The following FAM171A1 variants were observed in gnomAD, a reference collection of about 807,000 sequenced individuals.
FAM171A1 encodes protein FAM171A1.
FAM171A1 carries 23 observed loss-of-function variants against 74.9 expected under a neutral mutation model. The ratio of observed to expected loss-of-function variants is 0.31; its 90% confidence interval spans 0.22 to 0.44. The LOEUF (loss-of-function observed/expected upper bound fraction) is 0.44, where lower values mean the gene tolerates loss of function less well. Ranked by LOEUF, FAM171A1 falls within the 20% of genes least tolerant of loss-of-function variation. FAM171A1 has a pLI of 1.00. For synonymous variants in FAM171A1, 527 were observed against 505.7 expected (o/e 1.04, Z -0.57); for missense variants, 1,162 against 1,159.2 (o/e 1.00, Z -0.03).
chr10:15,219,967 A>T (rs528034625), intron 6 of FAM171A1, among the ~76,000 whole-genome samples: 1 of 152,338 alleles, frequency 6.6e-6, no homozygotes, highest in East Asian at 1.9e-4. Flanking sequence ...ATTTTTCCAC[A>T]CCTGTTTAGG....
chr10:15,260,926 C>T (rs1454318604), intron 3 of FAM171A1, among the ~76,000 whole-genome samples: 2 of 152,190 alleles, frequency 1.3e-5, no homozygotes, highest in African/African-American at 4.8e-5. Context: ...ACTATATACC[C>T]TGAGCACCTT....
chr10:15,246,044 C>T (rs1446419350), intron 5 of FAM171A1, among the ~76,000 whole-genome samples: 7 of 152,190 alleles, frequency 4.6e-5, no homozygotes. Flanking sequence ...CCTGGAGGCA[C>T]AGTGTACCTC....
chr10:15,271,404 C>A (rs1433972815), intron 3 of FAM171A1, among the ~76,000 whole-genome samples: 1 of 152,190 alleles, frequency 6.6e-6, no homozygotes, highest in Non-Finnish European at 1.5e-5. Flanking sequence ...AAATTTACGT[C>A]TGATTGGTGT....
At chr10:15,339,469 G>C (rs929050117) in intron 1 of FAM171A1, among the ~76,000 whole-genome samples, 2 of 152,140 alleles carry the variant, frequency 1.3e-5, no homozygotes, top group Non-Finnish European at 1.5e-5. Flanking sequence ...GCGCTGCTCA[G>C]GTAGTTTGCA....
Position 15,352,171 on chromosome 10 carries a change from G to A in FAM171A1, c.97+18785C>T, listed in dbSNP as rs530228129. Among the ~76,000 whole-genome samples the A allele has an allele frequency of 8.6e-5, 13 of 152,036 alleles. No individual in the cohort carries two copies. The South Asian group carries it at 2.7e-3, about 32-fold the overall frequency. ...GGAGAATTGTTTGAACCTGGGAGGT[G>A]GAGGTTGCAATGAGCCGAAATCACG... On this transcript the variant is annotated intron_variant, in intron 1 of 7. Transcript: ENST00000378116.
At chr10:15,329,514 T>A (rs1835601181) in intron 1 of FAM171A1, among the ~76,000 whole-genome samples, 1 of 151,742 alleles carries the variant, frequency 6.6e-6, no homozygotes, top group Non-Finnish European at 1.5e-5. Context: ...GAGTCCCAGC[T>A]ACTCAGGAGA....
chr10:15,342,749 T>C (rs1031272353), intron 1 of FAM171A1, among the ~76,000 whole-genome samples: 8 of 151,926 alleles, frequency 5.3e-5, no homozygotes, highest in African/African-American at 1.2e-4. Context: ...AAAGAGAAAA[T>C]AGACATGAAT....
At chr10:15,284,364 G>A (rs1433090397) in intron 1 of FAM171A1, among the ~76,000 whole-genome samples, 1 of 152,058 alleles carries the variant, frequency 6.6e-6, no homozygotes, top group African/African-American at 2.4e-5. Flanking sequence ...ATCAACAAAT[G>A]ATCAAGAGAA....
At chr10:15,323,099 C>A (rs568380010) in intron 1 of FAM171A1, among the ~76,000 whole-genome samples, 1 of 150,236 alleles carries the variant, frequency 6.7e-6, no homozygotes, top group Non-Finnish European at 1.5e-5. Flanking sequence ...GACATCACAC[C>A]GCTGCACTCC....
chr10:15,266,561 A>T (rs1834744123), intron 3 of FAM171A1, among the ~76,000 whole-genome samples: 1 of 152,058 alleles, frequency 6.6e-6, no homozygotes, highest in African/African-American at 2.4e-5. Flanking sequence ...CAGCAAAAAG[A>T]AAAACACTCA....
At chr10:15,220,550 C>T (rs1207377947) in intron 6 of FAM171A1, among the ~76,000 whole-genome samples, 2 of 152,054 alleles carry the variant, frequency 1.3e-5, no homozygotes, top group Non-Finnish European at 2.9e-5. Context: ...GGCTTTTTGC[C>T]CCCAGTGGTG....
At chr10:15,257,467 GCTTCTCGTGC>G (rs931420434) in intron 3 of FAM171A1, among the ~76,000 whole-genome samples, 6 of 152,176 alleles carry the variant, frequency 3.9e-5, no homozygotes, top group African/African-American at 1.2e-4. Flanking sequence ...CTGATCCTCT[GCTTCTCGTGC>G]CTTCTCGAGC....
At chr10:15,225,849 A>C (rs1834099835) in intron 5 of FAM171A1, among the ~76,000 whole-genome samples, 2 of 152,180 alleles carry the variant, frequency 1.3e-5, no homozygotes, top group Non-Finnish European at 2.9e-5. Context: ...GCCCCTAAGC[A>C]TGGAGGCCTT....
intron 1 of FAM171A1, among the ~76,000 whole-genome samples, chr10:15,319,419 T>C (rs55791918): frequency 6.6e-6 from 1 of 151,658 alleles, no homozygotes; most frequent in Non-Finnish European, 1.5e-5. Context: ...GAAAGAACAA[T>C]AGTCCAGGGA....
intron 1 of FAM171A1, among the ~76,000 whole-genome samples, chr10:15,315,144 C>A (rs1016488855): frequency 1.3e-5 from 2 of 152,162 alleles, no homozygotes; most frequent in Non-Finnish European, 2.9e-5. Context: ...CACGTATACA[C>A]CTGTGTAATT....
At chr10:15,301,780 G>C (rs137959749) in intron 1 of FAM171A1, among the ~76,000 whole-genome samples, 30 of 152,266 alleles carry the variant, frequency 2.0e-4, no homozygotes, top group African/African-American at 7.2e-4. Context: ...TCTCTGACCG[G>C]GAAGTATCGT....
chr10:15,279,849 C>A (rs58931411), intron 2 of FAM171A1, among the ~76,000 whole-genome samples: 2 of 151,970 alleles, frequency 1.3e-5, no homozygotes, highest in African/African-American at 4.8e-5. Context: ...ACCCAGGAGA[C>A]GGAGGTTGCA....
At position 15,283,924 on chromosome 10, in the gene FAM171A1, A is replaced by T. The variant is rs749936432; in HGVS notation, c.279T>A (p.His93Gln). The change falls in exon 2 of 8, where the codon CAT becomes CAA. Residue 93 changes from histidine (H) to glutamine (Q), a missense_variant. By Grantham distance (24) the His-to-Gln change is conservative (BLOSUM62 0). Transcript: ENST00000378116. ...GSQLIVTASKHAYVPNSAPWK... is the reference protein window; with the variant it reads ...GSQLIVTASKQAYVPNSAPWK... ...ATGGGGCAGAGTTTGGCACGTAGGC[A>T]TGCTTCGAGGCGGTGACAATCAACT... 11 of 1,614,176 alleles carry T rather than the reference A, an allele frequency of 6.8e-6. No individual in the cohort carries two copies. The South Asian group carries it at 1.2e-4, about 18-fold the overall frequency.
At chr10:15,348,196 C>T (rs531714470) in intron 1 of FAM171A1, among the ~76,000 whole-genome samples, 1 of 152,290 alleles carries the variant, frequency 6.6e-6, no homozygotes, top group East Asian at 1.9e-4. Flanking sequence ...CCAGGCTCAT[C>T]TCAAACTCCT....
Sources: gnomAD v4.1 joint callset for allele counts (sites outside exome capture counted in the v4.1 genomes callset) on GRCh38, gnomAD v4.1.1 for gene constraint, MANE v1.5 for transcripts, NCBI Gene and HGNC (gene_info 2026-07-23, HGNC 2026-07-21) for gene names.